The following PHACTR1 variants were observed in gnomAD, a reference collection of about 807,000 sequenced individuals.
PHACTR1 encodes the protein RPEL repeat containing 1.
In PHACTR1, 16 loss-of-function variants were observed where a neutral mutation model predicts 69.2. The observed-to-expected ratio is 0.23, with a 90% confidence interval of 0.16 to 0.35. The LOEUF (loss-of-function observed/expected upper bound fraction) is 0.35, where lower values mean the gene tolerates loss of function less well. Among genes scored for constraint, PHACTR1 ranks in the 10% least tolerant of loss-of-function variants. The pLI is 1.00. For missense variants in PHACTR1, 510 were observed against 734.7 expected (o/e 0.69, Z 3.54); for synonymous variants, 312 against 284.5 (o/e 1.10, Z -0.97).
At chr6:12,906,107 A>C (rs906736964) in intron 4 of PHACTR1, among the ~76,000 whole-genome samples, 1 of 152,196 alleles carries the variant, frequency 6.6e-6, no homozygotes, top group African/African-American at 2.4e-5. Context: ...TGGAAATGTC[A>C]CTTGTGGTCT....
At chr6:12,849,573 A>G (rs965322816) in intron 4 of PHACTR1, among the ~76,000 whole-genome samples, 15 of 152,152 alleles carry the variant, frequency 9.9e-5, no homozygotes, top group Non-Finnish European at 1.9e-4. Flanking sequence ...CAGAGTCCAT[A>G]TGGGCGGGAA....
chr6:13,190,374 A>AG (rs1260968285), intron 7 of PHACTR1, among the ~76,000 whole-genome samples: 1 of 151,766 alleles, frequency 6.6e-6, no homozygotes, highest in Non-Finnish European at 1.5e-5. Flanking sequence ...TTATCATATT[A>AG]GGGTTCCATC....
At chr6:12,826,016 T>G (rs1157421758) in intron 4 of PHACTR1, among the ~76,000 whole-genome samples, 1 of 152,252 alleles carries the variant, frequency 6.6e-6, no homozygotes, top group Non-Finnish European at 1.5e-5. Context: ...TTTAATAGAT[T>G]GGGAGTGTTT....
At chr6:13,175,248 G>T (rs1231134439) in intron 6 of PHACTR1, among the ~76,000 whole-genome samples, 1 of 152,238 alleles carries the variant, frequency 6.6e-6, no homozygotes, top group Non-Finnish European at 1.5e-5. Context: ...AATATAAAAT[G>T]CTGTGCTGTG....
chr6:12,952,009 C>T (rs973773505), intron 4 of PHACTR1, among the ~76,000 whole-genome samples: 43 of 152,152 alleles, frequency 2.8e-4, no homozygotes, highest in African/African-American at 9.6e-4. Flanking sequence ...GCATTGCACT[C>T]GAGCCAGTGA....
intron 5 of PHACTR1, among the ~76,000 whole-genome samples, chr6:13,146,785 A>G (rs1255177460): frequency 6.6e-6 from 1 of 152,210 alleles, no homozygotes; most frequent in Non-Finnish European, 1.5e-5. Flanking sequence ...TATACTTCCT[A>G]CATCTGGAAG....
chr6:13,283,424 C>T lies in PHACTR1; in HGVS notation c.1512C>T (p.Leu504=), dbSNP rs1382279894. 6.2e-7 allele frequency: 1 copy of T among 1,613,512 alleles called. No homozygotes were observed. Among genetic ancestry groups the T allele is most frequent in the East Asian group, 2.2e-5 (1 of 44,894 alleles). The change falls in exon 13 of 15, where the codon CTC becomes CTT. Residue 504 remains leucine, a splice_region_variant and synonymous_variant. Transcript: ENST00000332995. This position sits in a 1 kb window ranked among gnomAD's most constrained non-coding sequence, Gnocchi z 4.7. Reference sequence around the variant, plus strand: ...TCCATCTCTCTCCCTCCCTGCAGCTCAGTCAAAGGCCCACGGTGGAAGAGC... The same window carrying T: ...TCCATCTCTCTCCCTCCCTGCAGCTTAGTCAAAGGCCCACGGTGGAAGAGC... ...REIKRRLTRK[L]SQRPTVEELR... is the part of the protein sequence containing the mutation.
At chr6:12,967,134 A>G (rs1459681248) in intron 4 of PHACTR1, among the ~76,000 whole-genome samples, 1 of 152,196 alleles carries the variant, frequency 6.6e-6, no homozygotes, top group African/African-American at 2.4e-5. Flanking sequence ...CCCTTTTAGT[A>G]CTGTTCTTAT....
Position 12,749,720 on chromosome 6 carries a change from C to T in PHACTR1, c.180C>T (p.Ile60=), listed in dbSNP as rs753513862. ...SSEDDIDRRP[I]RRVRSKSDTP... is the part of the protein sequence containing the mutation. ...AGGATGATATAGACCGGCGGCCCAT[C>T]CGGAGAGTGCGCTCCAAGAGCGACA... Residue 60 remains isoleucine, a synonymous_variant, in exon 4 of 15, where the codon ATC becomes ATT. Coordinates refer to ENST00000332995, the MANE Select transcript of PHACTR1 (RefSeq NM_030948.6). The T allele has an allele frequency of 1.9e-6, 3 of 1,612,398 alleles. No individual in the cohort carries two copies. Among genetic ancestry groups the T allele is most frequent in the East Asian group, 2.2e-5 (1 of 44,778 alleles).
At chr6:13,231,252 GAGAA>G (rs1158366646) in intron 10 of PHACTR1, among the ~76,000 whole-genome samples, 87 of 133,558 alleles carry the variant, frequency 6.5e-4, no homozygotes, top group South Asian at 2.7e-3. Context: ...AAGAAGGAAA[GAGAA>G]AGAAAGAAGG....
chr6:12,783,451 G>T (rs925662796), intron 4 of PHACTR1, among the ~76,000 whole-genome samples: 14 of 152,026 alleles, frequency 9.2e-5, no homozygotes, highest in African/African-American at 3.4e-4. Context: ...GCTCTTTTGT[G>T]CATAGCAATA....
intron 4 of PHACTR1, among the ~76,000 whole-genome samples, chr6:12,936,913 T>C (rs1789517023): frequency 6.6e-6 from 1 of 152,210 alleles, no homozygotes; most frequent in Non-Finnish European, 1.5e-5. Context: ...TTCCTTTCAG[T>C]CTTTTTTCTC....
chr6:13,251,773 G>T (rs59083103), intron 10 of PHACTR1, among the ~76,000 whole-genome samples: 48 of 134,458 alleles, frequency 3.6e-4, no homozygotes, highest in African/African-American at 1.5e-3. Flanking sequence ...TGAAGAATTA[G>T]TGAAAAATCA....
rs374872088 is a variant in PHACTR1 at position 13,065,800 on chromosome 6, G to A, written c.415+12271G>A. Among the ~76,000 whole-genome samples the A allele has an allele frequency of 1.5e-4, 23 of 152,090 alleles. 1 individual carries two copies. Among genetic ancestry groups the A allele is most frequent in the Admixed American group, 9.8e-4 (15 of 15,274 alleles). ...ACATTTTTCAGCAATGACAATTCTC[G>A]TGACTAGGAAAAGCAAACATGCAAA... On this transcript the variant is annotated intron_variant, in intron 5 of 14. Coordinates refer to ENST00000332995, the MANE Select transcript of PHACTR1 (RefSeq NM_030948.6).
At chr6:13,268,231 C>T (rs1340658433) in intron 10 of PHACTR1, among the ~76,000 whole-genome samples, 3 of 152,188 alleles carry the variant, frequency 2.0e-5, no homozygotes, top group Admixed American at 1.3e-4. Flanking sequence ...TGTGCCACTG[C>T]ACTCCAGCGT....
chr6:13,044,784 A>T (rs1437033639), intron 4 of PHACTR1, among the ~76,000 whole-genome samples: 1 of 152,186 alleles, frequency 6.6e-6, no homozygotes, highest in South Asian at 2.1e-4. Context: ...AGTGAAGCAT[A>T]TCTGAGCCTA....
At chr6:12,936,292 T>G (rs1336763406) in intron 4 of PHACTR1, among the ~76,000 whole-genome samples, 3 of 152,208 alleles carry the variant, frequency 2.0e-5, no homozygotes, top group Admixed American at 6.5e-5. Flanking sequence ...TATCCACTTA[T>G]CTATACCAGT....
At chr6:13,135,108 A>G (rs6925345) in intron 5 of PHACTR1, among the ~76,000 whole-genome samples, 34,833 of 152,136 alleles carry the variant, frequency 0.23, 4,946 homozygotes, top group Non-Finnish European at 0.32. Flanking sequence ...ACTGCGTTTT[A>G]TTGGAAATTT....
chr6:13,152,165 T>A (rs148910128), intron 5 of PHACTR1, among the ~76,000 whole-genome samples: 256 of 152,162 alleles, frequency 1.7e-3, no homozygotes, highest in African/African-American at 5.8e-3. Context: ...AAACCATGTC[T>A]CTACTAAAAA....
Sources: allele counts gnomAD v4.1 joint callset (sites outside exome capture counted in the v4.1 genomes callset), GRCh38; gene constraint gnomAD v4.1.1; non-coding constraint Gnocchi (gnomAD v3.1); transcripts MANE v1.5; gene names NCBI Gene and HGNC (gene_info 2026-07-23, HGNC 2026-07-21).